The following DLGAP2 variants were observed in gnomAD, a reference collection of about 807,000 sequenced individuals.
DLGAP2 encodes DLG associated protein 2.
Under a neutral mutation model 100.3 loss-of-function variants are expected in DLGAP2, and 26 were observed. That is an observed-to-expected ratio of 0.26 (90% CI 0.19 to 0.36). DLGAP2 has a LOEUF of 0.36. DLGAP2 is among the 10% of genes least tolerant of loss of function. The pLI, the probability that DLGAP2 is intolerant of heterozygous loss-of-function variation, is 1.00. For synonymous variants in DLGAP2, 886 were observed against 630.1 expected, an observed-to-expected ratio of 1.41 and a Z score of -6.08; for missense variants, 1,858 against 1,453.2, an observed-to-expected ratio of 1.28 and a Z score of -4.53.
chr8:1,654,583 C>T (rs189228875), intron 8 of DLGAP2, among the ~76,000 whole-genome samples: 1,576 of 151,824 alleles, frequency 0.01, 12 homozygotes, highest in Non-Finnish European at 0.014. Flanking sequence ...ATTACTTGAA[C>T]CCGGGAGGCG....
chr8:1,600,691 C>T (rs906948407), intron 6 of DLGAP2, among the ~76,000 whole-genome samples: 1 of 152,158 alleles, frequency 6.6e-6, no homozygotes, highest in Admixed American at 6.5e-5. Flanking sequence ...GTATGCTTCA[C>T]GAAGTTCTCA....
chr8:1,630,185 A>G (rs1563267674), intron 7 of DLGAP2, among the ~76,000 whole-genome samples: 3 of 152,200 alleles, frequency 2.0e-5, no homozygotes, highest in Non-Finnish European at 4.4e-5. Context: ...TGCTGGTAGT[A>G]AGTGAGACTG....
At chr8:1,092,101 C>G (rs1042817604) in intron 2 of DLGAP2, among the ~76,000 whole-genome samples, 13 of 152,216 alleles carry the variant, frequency 8.5e-5, no homozygotes, top group African/African-American at 2.9e-4. Context: ...TTTGGGGACT[C>G]TCATGGGAGC....
intron 5 of DLGAP2, among the ~76,000 whole-genome samples, chr8:1,555,785 A>T (rs1478586123): frequency 1.3e-5 from 2 of 152,202 alleles, no homozygotes; most frequent in Admixed American, 6.5e-5. Flanking sequence ...TCTTATCCCC[A>T]TGACGGAAAT....
intron 3 of DLGAP2, among the ~76,000 whole-genome samples, chr8:1,474,844 G>C (rs560538813): frequency 2.6e-5 from 4 of 152,336 alleles, no homozygotes; most frequent in African/African-American, 9.6e-5. Flanking sequence ...AGAACTGAGA[G>C]TTGAACTACC....
At chr8:1,077,148 G>C (rs1803647244) in intron 2 of DLGAP2, among the ~76,000 whole-genome samples, 1 of 152,208 alleles carries the variant, frequency 6.6e-6, no homozygotes, top group African/African-American at 2.4e-5. Flanking sequence ...CCTTCATGCA[G>C]TGTTCTCCAT....
intron 1 of DLGAP2, among the ~76,000 whole-genome samples, chr8:743,435 A>G (rs568498914): frequency 2.0e-5 from 3 of 152,290 alleles, no homozygotes; most frequent in South Asian, 4.1e-4. Context: ...GGGGTTGTGT[A>G]ATATATAACA....
At chr8:842,295 G>C (rs1489133275) in intron 1 of DLGAP2, among the ~76,000 whole-genome samples, 1 of 152,168 alleles carries the variant, frequency 6.6e-6, no homozygotes, top group East Asian at 1.9e-4. Flanking sequence ...CAGTTTTTCT[G>C]TGTCCTTTAT....
At chr8:1,451,060 G>A (rs1239851204) in intron 3 of DLGAP2, among the ~76,000 whole-genome samples, 1 of 152,108 alleles carries the variant, frequency 6.6e-6, no homozygotes, top group Non-Finnish European at 1.5e-5. Flanking sequence ...GGTCCCTACG[G>A]TGGTTTTAAA....
intron 2 of DLGAP2, among the ~76,000 whole-genome samples, chr8:1,029,764 A>T (rs1022576566): frequency 3.3e-5 from 5 of 152,082 alleles, no homozygotes; most frequent in African/African-American, 9.7e-5. Context: ...TCAAAGGGGG[A>T]TGGAGAGAAG....
chr8:1,485,095 A>G (rs113119423), intron 3 of DLGAP2, among the ~76,000 whole-genome samples: 39 of 152,338 alleles, frequency 2.6e-4, no homozygotes, highest in African/African-American at 8.7e-4. Context: ...GACACTTACA[A>G]ATATGCCTTG....
chr8:1,272,073 C>T (rs1257551945), intron 3 of DLGAP2, among the ~76,000 whole-genome samples: 1 of 152,124 alleles, frequency 6.6e-6, no homozygotes, highest in Non-Finnish European at 1.5e-5. Context: ...GCCTCAGGCT[C>T]CCAAAATGCT....
chr8:873,594 T>C (rs1797637985), intron 1 of DLGAP2, among the ~76,000 whole-genome samples: 1 of 152,184 alleles, frequency 6.6e-6, no homozygotes, highest in Non-Finnish European at 1.5e-5. Context: ...TTGTTGAGGA[T>C]TTTTTAATCT....
chr8:1,548,378 G>T (rs1209817646), intron 4 of DLGAP2, among the ~76,000 whole-genome samples: 1 of 142,984 alleles, frequency 7.0e-6, no homozygotes, highest in Non-Finnish European at 1.5e-5. Context: ...AGAATCGCTT[G>T]AACCCGGGAG....
chr8:1,414,508 G>A (rs889486825), intron 3 of DLGAP2, among the ~76,000 whole-genome samples: 2 of 152,230 alleles, frequency 1.3e-5, no homozygotes, highest in Non-Finnish European at 2.9e-5. Context: ...CCACACCAGA[G>A]CAGAAGCGGA....
chr8:1,153,696 C>G (rs1445720329), intron 2 of DLGAP2, among the ~76,000 whole-genome samples: 1 of 152,204 alleles, frequency 6.6e-6, no homozygotes, highest in Non-Finnish European at 1.5e-5. Context: ...TAGGCTTTTC[C>G]TGCATTGCCA....
chr8:1,506,595 G>C (rs571339251), intron 4 of DLGAP2, among the ~76,000 whole-genome samples: 5 of 152,310 alleles, frequency 3.3e-5, no homozygotes, highest in Admixed American at 2.0e-4. Flanking sequence ...CACTGCCCAA[G>C]ACGATCTCAG....
intron 1 of DLGAP2, among the ~76,000 whole-genome samples, chr8:843,573 C>T (rs573753929): frequency 2.0e-5 from 3 of 152,228 alleles, no homozygotes; most frequent in Non-Finnish European, 2.9e-5. Flanking sequence ...TCCTTGGACA[C>T]GGACGCCACG....
intron 2 of DLGAP2, among the ~76,000 whole-genome samples, chr8:973,789 G>T (rs149465901): frequency 6.6e-5 from 10 of 151,814 alleles, no homozygotes; most frequent in African/African-American, 2.4e-4. Context: ...GGCGAATCCG[G>T]AGCGCGAATC....
Sources: allele counts gnomAD v4.1 joint callset (sites outside exome capture counted in the v4.1 genomes callset), GRCh38; gene constraint gnomAD v4.1.1; transcripts MANE v1.5; gene names NCBI Gene and HGNC (gene_info 2026-07-23, HGNC 2026-07-21).